IL1R1: variants seen among roughly 807,000 people sequenced by gnomAD.
IL1R1 encodes the protein interleukin 1 receptor type 1, also known as interleukin-1 receptor type 1.
In IL1R1, 22 loss-of-function variants were observed where a neutral mutation model predicts 50.2. The ratio of observed to expected loss-of-function variants is 0.44; its 90% CI spans 0.31 to 0.63. The LOEUF (loss-of-function observed/expected upper bound fraction) is 0.63. Among genes scored for constraint, IL1R1 ranks in the 20% least tolerant of loss-of-function variants. The pLI is 0.07. For missense variants in IL1R1, 509 were observed against 676.2 expected (o/e 0.75, Z 2.74); for synonymous variants, 251 against 236.7 (o/e 1.06, Z -0.55).
chr2:102,076,709 G>A (rs1281170649), intron 1 of IL1R1, among the ~76,000 whole-genome samples: 1 of 151,576 alleles, frequency 6.6e-6, no homozygotes, highest in Non-Finnish European at 1.5e-5. Flanking sequence ...CTCTTCTTTG[G>A]CAGCTTTTAA....
chr2:102,146,734 T>C (rs10187031), intron 1 of IL1R1, among the ~76,000 whole-genome samples: 30,147 of 152,244 alleles, frequency 0.2, 3,158 homozygotes, highest in East Asian at 0.25. Context: ...GCTTCAAACA[T>C]TGTAAATATG....
chr2:102,173,908 A>G (rs1298476952), intron 9 of IL1R1, among the ~76,000 whole-genome samples: 2 of 152,216 alleles, frequency 1.3e-5, no homozygotes, highest in Non-Finnish European at 1.5e-5. Flanking sequence ...AGTGTGAACT[A>G]TCATTTGGGC....
At chr2:102,143,262 G>T (rs1682833882) in intron 1 of IL1R1, among the ~76,000 whole-genome samples, 1 of 152,182 alleles carries the variant, frequency 6.6e-6, no homozygotes, top group South Asian at 2.1e-4. Flanking sequence ...TTCTGGAGGG[G>T]GGTTCTAGGT....
intron 6 of IL1R1, among the ~76,000 whole-genome samples, chr2:102,167,837 G>C (rs942601095): frequency 3.3e-5 from 5 of 151,996 alleles, no homozygotes; most frequent in Non-Finnish European, 7.4e-5. Flanking sequence ...GTAATATTTT[G>C]TTTTCTTTCC....
Position 102,175,463 on chromosome 2 carries a change from A to G in IL1R1, c.1136-15A>G. ...TTTGCCTTGTGGTTCTAAATACATTATGTTTTTCCTTTAGCTTCAGATGGA... is the reference window on the plus strand; with the variant it reads ...TTTGCCTTGTGGTTCTAAATACATTGTGTTTTTCCTTTAGCTTCAGATGGA... On this transcript the variant is annotated splice_polypyrimidine_tract_variant and intron_variant, in intron 10 of 11. Coordinates refer to ENST00000410023, the MANE Select transcript of IL1R1 (RefSeq NM_000877.4). 1 of 1,606,898 alleles carries G rather than the reference A, an allele frequency of 6.2e-7. No individual in the cohort carries two copies. The highest frequency in any genetic ancestry group is 8.5e-7 in the Non-Finnish European group (1 of 1,173,588).
At chr2:102,101,890 G>A (rs1444538423), upstream of IL1R1, among the ~76,000 whole-genome samples, 2 of 152,116 alleles carry the variant, frequency 1.3e-5, no homozygotes, top group Non-Finnish European at 2.9e-5. Flanking sequence ...TTGAATTTTT[G>A]TTGCCAACTA....
At chr2:102,158,142 T>C (rs116342188) in intron 3 of IL1R1, among the ~76,000 whole-genome samples, 38 of 152,354 alleles carry the variant, frequency 2.5e-4, no homozygotes, top group African/African-American at 8.7e-4. Context: ...GGAGGAGATA[T>C]TATGTATAGT....
intron 1 of IL1R1, among the ~76,000 whole-genome samples, chr2:102,115,429 C>A (rs114298527): frequency 1.3e-5 from 2 of 152,162 alleles, no homozygotes; most frequent in Non-Finnish European, 2.9e-5. Context: ...GTTGTGTAAA[C>A]GTAGCCACTT....
intron 1 of IL1R1, among the ~76,000 whole-genome samples, chr2:102,078,704 A>G (rs1679084291): frequency 6.6e-6 from 1 of 152,136 alleles, no homozygotes; most frequent in African/African-American, 2.4e-5. Context: ...ACTATTTCAA[A>G]AAGTTGAAAA....
intron 2 of IL1R1, among the ~76,000 whole-genome samples, chr2:102,154,909 C>A (rs1684030662): frequency 6.6e-6 from 1 of 152,178 alleles, no homozygotes; most frequent in South Asian, 2.1e-4. Flanking sequence ...GGACCCTCCC[C>A]TCCACCTCCT....
At chr2:102,094,167 G>A (rs1436344503) in intron 1 of IL1R1, among the ~76,000 whole-genome samples, 1 of 152,174 alleles carries the variant, frequency 6.6e-6, no homozygotes, top group Non-Finnish European at 1.5e-5. Context: ...AACTCTAAAT[G>A]TGAAATAATT....
At chr2:102,144,831 C>T (rs1321618362) in intron 1 of IL1R1, among the ~76,000 whole-genome samples, 2 of 152,134 alleles carry the variant, frequency 1.3e-5, no homozygotes, top group African/African-American at 2.4e-5. Flanking sequence ...TCTGTGGTTC[C>T]CTAGAGAATC....
intron 9 of IL1R1, among the ~76,000 whole-genome samples, chr2:102,174,001 CT>C (rs1426009402): frequency 6.6e-6 from 1 of 152,072 alleles, no homozygotes; most frequent in Non-Finnish European, 1.5e-5. Context: ...GTAAATAAAG[CT>C]TTTAGATTCC....
exon 1 of IL1R1, chr2:102,104,773 C>A (rs971359060): frequency 2.6e-5 from 4 of 152,214 alleles, no homozygotes; most frequent in Admixed American, 6.5e-5. Flanking sequence ...GCTCAGCAGG[C>A]TTCATTTGGG....
chr2:102,095,304 AG>A (rs1229654695), intron 1 of IL1R1, among the ~76,000 whole-genome samples: 1 of 152,270 alleles, frequency 6.6e-6, no homozygotes, highest in Non-Finnish European at 1.5e-5. Flanking sequence ...TAAAGAATGC[AG>A]GAAAGGAAGC....
intron 1 of IL1R1, among the ~76,000 whole-genome samples, chr2:102,075,669 C>T (rs1678925993): frequency 6.6e-6 from 1 of 152,202 alleles, no homozygotes; most frequent in African/African-American, 2.4e-5. Context: ...ACCTGATTGC[C>T]TACTGCACTT....
At chr2:102,152,752 G>T (rs933861906) in intron 1 of IL1R1, among the ~76,000 whole-genome samples, 5 of 152,012 alleles carry the variant, frequency 3.3e-5, no homozygotes, top group Admixed American at 2.6e-4. Flanking sequence ...GGATGTGGGG[G>T]TCTCCCCTTT....
chr2:102,071,661 T>C (rs1034990520), intron 1 of IL1R1, among the ~76,000 whole-genome samples: 2 of 152,242 alleles, frequency 1.3e-5, no homozygotes, highest in African/African-American at 4.8e-5. Flanking sequence ...TTTCCCTGTA[T>C]GTCCCCTCCT....
At chr2:102,172,031 C>CTTT (rs35265416) in intron 8 of IL1R1, 113 bp downstream of exon 8, 3,758 of 88,812 alleles carry the variant, frequency 0.042, 221 homozygotes, top group Non-Finnish European at 0.058. Flanking sequence ...CCTTTGCTGC[C>CTTT]TTTTTTTTTT....
Sources: allele counts gnomAD v4.1 joint callset (sites outside exome capture counted in the v4.1 genomes callset), GRCh38; gene constraint gnomAD v4.1.1; transcripts MANE v1.5; gene names NCBI Gene and HGNC (gene_info 2026-07-23, HGNC 2026-07-21).